Variants in HS3ST5 observed in about 807,000 individuals in gnomAD.
The protein encoded by HS3ST5 is heparan sulfate-glucosamine 3-sulfotransferase 5, also known as heparan sulfate glucosamine 3-O-sulfotransferase 5.
A neutral mutation model predicts 25.4 loss-of-function variants in HS3ST5; 10 were observed. The observed-to-expected ratio is 0.39, with a 90% CI of 0.24 to 0.67. The LOEUF (loss-of-function observed/expected upper bound fraction) is 0.67. Among genes scored for constraint, HS3ST5 ranks in the 30% least tolerant of loss-of-function variants. HS3ST5 has a pLI of 0.44. For synonymous variants in HS3ST5, 170 were observed against 162.4 expected, an observed-to-expected ratio of 1.05 and a Z score of -0.36; for missense variants, 324 against 420.7, an observed-to-expected ratio of 0.77 and a Z score of 2.01.
chr6:114,126,532 T>G (rs772579436), intron 3 of HS3ST5, among the ~76,000 whole-genome samples: 35 of 152,322 alleles, frequency 2.3e-4, no homozygotes, highest in Non-Finnish European at 4.1e-4. Flanking sequence ...TTGGGACTGT[T>G]TATTCATTTG....
chr6:114,251,636 T>G (rs1473703650), intron 1 of HS3ST5: 3 of 151,942 alleles, frequency 2.0e-5, no homozygotes, highest in African/African-American at 7.3e-5. Flanking sequence ...CACCAATTGG[T>G]TCAGGGTTGA....
chr6:114,302,753 C>A (rs1340740172), intron 1 of HS3ST5, among the ~76,000 whole-genome samples: 1 of 152,158 alleles, frequency 6.6e-6, no homozygotes, highest in East Asian at 1.9e-4. Flanking sequence ...GTCCTCCAAT[C>A]CTTTATCTCT....
chr6:114,059,146 T>C, intron 4 of HS3ST5: 1 of 152,242 alleles, frequency 6.6e-6, no homozygotes, highest in East Asian at 1.9e-4. Context: ...TAGTAGACGA[T>C]GGTGACTGTT....
intron 3 of HS3ST5, among the ~76,000 whole-genome samples, chr6:114,065,589 T>C (rs1357767963): frequency 6.6e-6 from 1 of 152,182 alleles, no homozygotes; most frequent in Non-Finnish European, 1.5e-5. Context: ...TGAAATGAGT[T>C]TTCTACAGGT....
chr6:114,164,666 A>G (rs1478681741), intron 3 of HS3ST5, among the ~76,000 whole-genome samples: 1 of 152,202 alleles, frequency 6.6e-6, no homozygotes, highest in African/African-American at 2.4e-5. Flanking sequence ...CAATTCTTAA[A>G]ACATCTGGAG....
At chr6:114,127,723 C>T (rs755675788) in intron 3 of HS3ST5, among the ~76,000 whole-genome samples, 4 of 152,076 alleles carry the variant, frequency 2.6e-5, no homozygotes, top group Non-Finnish European at 4.4e-5. Context: ...GTAATCTATA[C>T]ATACAAATGA....
chr6:114,181,125 C>T (rs935526417), intron 2 of HS3ST5, among the ~76,000 whole-genome samples: 1 of 152,180 alleles, frequency 6.6e-6, no homozygotes, highest in African/African-American at 2.4e-5. Context: ...AGTAGTTCCT[C>T]AGGGATTTCT....
At chr6:114,338,811 A>G (rs1478752694) in intron 1 of HS3ST5, among the ~76,000 whole-genome samples, 1 of 152,076 alleles carries the variant, frequency 6.6e-6, no homozygotes, top group East Asian at 1.9e-4. Context: ...AAAAGGTTAC[A>G]TTTTTGCTAA....
At chr6:114,121,995 T>C (rs1403058536) in intron 3 of HS3ST5, among the ~76,000 whole-genome samples, 1 of 152,224 alleles carries the variant, frequency 6.6e-6, no homozygotes, top group Non-Finnish European at 1.5e-5. Context: ...TGCCAGGCGC[T>C]GCTACCTTCT....
intron 1 of HS3ST5, among the ~76,000 whole-genome samples, chr6:114,248,237 T>A (rs896027598): frequency 1.0e-4 from 15 of 147,640 alleles, no homozygotes; most frequent in Admixed American, 4.7e-4. Flanking sequence ...TATATATATA[T>A]AAAATATTCA....
intron 1 of HS3ST5, among the ~76,000 whole-genome samples, chr6:114,278,648 A>AGCCAAAGGCTGAGGGCAGGTTG (rs1773973281): frequency 6.6e-6 from 1 of 152,014 alleles, no homozygotes; most frequent in Non-Finnish European, 1.5e-5. Flanking sequence ...ATTTCCAGAA[A>AGCCAAAGGCTGAGGGCAGGTTG]GCCAAAGGCT....
At chr6:114,180,442 TG>T (rs1779922297) in intron 2 of HS3ST5, among the ~76,000 whole-genome samples, 1 of 152,098 alleles carries the variant, frequency 6.6e-6, no homozygotes, top group African/African-American at 2.4e-5. Flanking sequence ...CAGCATGGTT[TG>T]GTTCTGATGA....
At chr6:114,059,559 A>G (rs1397645184) in intron 4 of HS3ST5, 3 of 152,094 alleles carry the variant, frequency 2.0e-5, no homozygotes, top group Non-Finnish European at 2.9e-5. Context: ...GTGGGAGGTG[A>G]CTGGATTATG....
chr6:114,303,714 G>A (rs1301862186), intron 1 of HS3ST5, among the ~76,000 whole-genome samples: 1 of 151,964 alleles, frequency 6.6e-6, no homozygotes, highest in Non-Finnish European at 1.5e-5. Context: ...CTGCAAATTT[G>A]GATGTGCTTA....
chr6:114,253,376 G>A (rs1420724418), intron 1 of HS3ST5, among the ~76,000 whole-genome samples: 1 of 152,166 alleles, frequency 6.6e-6, no homozygotes, highest in Non-Finnish European at 1.5e-5. Context: ...CTTTGTATTG[G>A]TCAACAAAGA....
chr6:114,145,336 G>T (rs997414434), intron 3 of HS3ST5, among the ~76,000 whole-genome samples: 13 of 152,154 alleles, frequency 8.5e-5, no homozygotes, highest in African/African-American at 3.1e-4. Context: ...TATTGTGAAA[G>T]ATTCTTTCTC....
intron 3 of HS3ST5, among the ~76,000 whole-genome samples, chr6:114,143,355 C>T (rs1044575760): frequency 6.6e-6 from 1 of 152,342 alleles, no homozygotes; most frequent in Non-Finnish European, 1.5e-5. Flanking sequence ...GTTAATAACA[C>T]ATATGTCGTG....
intron 1 of HS3ST5, among the ~76,000 whole-genome samples, chr6:114,305,639 T>C (rs886113482): frequency 1.3e-5 from 2 of 152,204 alleles, no homozygotes; most frequent in African/African-American, 4.8e-5. Flanking sequence ...AGATTTTTAC[T>C]GCTTCATCAA....
At chr6:114,227,574 C>T (rs1317286637) in intron 2 of HS3ST5, among the ~76,000 whole-genome samples, 1 of 151,930 alleles carries the variant, frequency 6.6e-6, no homozygotes, top group Non-Finnish European at 1.5e-5. Flanking sequence ...AAGTGATATT[C>T]ACCAAATGTA....
Sources: allele counts gnomAD v4.1 joint callset (sites outside exome capture counted in the v4.1 genomes callset), GRCh38; gene constraint gnomAD v4.1.1; transcripts MANE v1.5; gene names NCBI Gene and HGNC (gene_info 2026-07-23, HGNC 2026-07-21).